The following ADAMTS18 variants were observed in gnomAD, a reference collection of about 807,000 sequenced individuals.
The protein encoded by ADAMTS18 is A disintegrin and metalloproteinase with thrombospondin motifs 18.
Under a neutral mutation model 165.9 loss-of-function variants are expected in ADAMTS18, and 157 were observed. That is an observed-to-expected ratio of 0.95 (90% CI 0.83 to 1.08). ADAMTS18 has a LOEUF of 1.08. Among genes scored for constraint, ADAMTS18 ranks in the 50% least tolerant of loss-of-function variants. The probability of loss-of-function intolerance (pLI) is 0.00; values close to 1 mark genes in which losing one functional copy is unlikely to be tolerated. For synonymous variants in ADAMTS18, 782 were observed against 578.2 expected (o/e 1.35, Z -5.06); for missense variants, 2,040 against 1,534.0 (o/e 1.33, Z -5.51).
chr16:77,381,744 G>A (rs983559835), intron 3 of ADAMTS18, among the ~76,000 whole-genome samples: 1 of 152,226 alleles, frequency 6.6e-6, no homozygotes, highest in African/African-American at 2.4e-5. Context: ...GGAGGTTGCA[G>A]TGAGCCGAGA....
chr16:77,289,191 C>G (rs199777997), intron 22 of ADAMTS18, 73 bp downstream of exon 22: 10 of 1,571,874 alleles, frequency 6.4e-6, no homozygotes, highest in Admixed American at 1.7e-5. Flanking sequence ...ACAGGCTGCA[C>G]TACTAACAAA....
At chr16:77,285,536 A>ATTCAGAAAT (rs1046166911) in intron 22 of ADAMTS18, among the ~76,000 whole-genome samples, 1 of 151,092 alleles carries the variant, frequency 6.6e-6, no homozygotes, top group Admixed American at 6.6e-5. Context: ...ACTACACATA[A>ATTCAGAAAT]TTCAGAAATG....
intron 2 of ADAMTS18, 55 bp downstream of exon 2, chr16:77,434,363 G>A: frequency 1.3e-6 from 2 of 1,530,208 alleles, no homozygotes; most frequent in Non-Finnish European, 1.8e-6. Flanking sequence ...TTGGGGGAAG[G>A]AAGGGTCAAA....
intron 17 of ADAMTS18, among the ~76,000 whole-genome samples, chr16:77,297,796 C>A (rs527512524): frequency 6.6e-6 from 1 of 151,854 alleles, no homozygotes; most frequent in Non-Finnish European, 1.5e-5. Context: ...ATATGGAAAC[C>A]CTAAGATTTT....
At chr16:77,307,589 C>G (rs566555550) in intron 16 of ADAMTS18, among the ~76,000 whole-genome samples, 1 of 152,248 alleles carries the variant, frequency 6.6e-6, no homozygotes, top group East Asian at 1.9e-4. Flanking sequence ...AACTGGAGGC[C>G]CCCACTTCAA....
At chr16:77,403,647 A>C (rs565178031) in intron 3 of ADAMTS18, among the ~76,000 whole-genome samples, 1 of 152,150 alleles carries the variant, frequency 6.6e-6, no homozygotes, top group African/African-American at 2.4e-5. Context: ...CATCTAAATG[A>C]CCTGTGTGTC....
At chr16:77,363,266 A>T (rs1161303417) in intron 6 of ADAMTS18, among the ~76,000 whole-genome samples, 1 of 152,186 alleles carries the variant, frequency 6.6e-6, no homozygotes, top group Non-Finnish European at 1.5e-5. Context: ...TGATCAATCC[A>T]AGGACAGTTA....
intron 3 of ADAMTS18, among the ~76,000 whole-genome samples, chr16:77,404,609 G>A (rs1238816623): frequency 6.6e-6 from 1 of 152,146 alleles, no homozygotes; most frequent in Non-Finnish European, 1.5e-5. Context: ...AGTTAACAGT[G>A]CTGGACTGTT....
intron 3 of ADAMTS18, among the ~76,000 whole-genome samples, chr16:77,419,683 C>A (rs1324577957): frequency 1.3e-5 from 2 of 152,136 alleles, no homozygotes; most frequent in Non-Finnish European, 2.9e-5. Flanking sequence ...TGTCGGTACA[C>A]TGGGAGCCAG....
At chr16:77,389,115 C>T (rs930871272) in intron 3 of ADAMTS18, among the ~76,000 whole-genome samples, 7 of 152,108 alleles carry the variant, frequency 4.6e-5, no homozygotes, top group African/African-American at 1.4e-4. Flanking sequence ...GCCTGGGCAA[C>T]ATGGCGAAAC....
At chr16:77,310,262 C>T (rs561026250) in intron 16 of ADAMTS18, among the ~76,000 whole-genome samples, 2 of 152,314 alleles carry the variant, frequency 1.3e-5, no homozygotes, top group East Asian at 3.9e-4. Flanking sequence ...AAACATCCCA[C>T]GATGTTCCAG....
intron 3 of ADAMTS18, among the ~76,000 whole-genome samples, chr16:77,404,997 G>A (rs539749568): frequency 1.4e-3 from 207 of 152,274 alleles, no homozygotes; most frequent in African/African-American, 4.6e-3. Context: ...CAGAGCGGGG[G>A]AATGTTTTTA....
intron 3 of ADAMTS18, among the ~76,000 whole-genome samples, chr16:77,415,964 G>A (rs2144838208): frequency 6.6e-6 from 1 of 152,276 alleles, no homozygotes; most frequent in Admixed American, 6.5e-5. Flanking sequence ...TGGAAATACA[G>A]CAGTGAATAG....
intron 3 of ADAMTS18, among the ~76,000 whole-genome samples, chr16:77,429,936 C>T (rs11860094): frequency 0.48 from 73,221 of 151,982 alleles, 18,623 homozygotes; most frequent in Non-Finnish European, 0.58. Context: ...CTACTTAACA[C>T]AGAGTTAAAC....
intron 12 of ADAMTS18, among the ~76,000 whole-genome samples, chr16:77,333,742 T>C (rs1391018792): frequency 1.3e-5 from 2 of 150,336 alleles, no homozygotes; most frequent in African/African-American, 4.9e-5. Context: ...CACATATCCA[T>C]AATTGAACAG....
intron 10 of ADAMTS18, among the ~76,000 whole-genome samples, chr16:77,348,160 T>C (rs1020409027): frequency 3.3e-5 from 5 of 152,168 alleles, no homozygotes; most frequent in Admixed American, 2.6e-4. Flanking sequence ...TTGCTCAGAT[T>C]ATTTAACTTC....
chr16:77,311,496 A>G (rs929249364), intron 16 of ADAMTS18, among the ~76,000 whole-genome samples: 3 of 152,182 alleles, frequency 2.0e-5, no homozygotes, highest in Non-Finnish European at 2.9e-5. Context: ...CACTTTTGGG[A>G]AAATATAATT....
At chr16:77,363,434 C>T (rs1360867376) in intron 6 of ADAMTS18, among the ~76,000 whole-genome samples, 1 of 152,044 alleles carries the variant, frequency 6.6e-6, no homozygotes. Flanking sequence ...CAAAATCTAG[C>T]TAATCCTTAA....
chr16:77,335,743 G>C lies in ADAMTS18; in HGVS notation c.1859+13C>G, dbSNP rs1378992345. 1 of 1,614,176 alleles carries C rather than the reference G, an allele frequency of 6.2e-7. No individual in the cohort carries two copies. Among genetic ancestry groups the C allele is most frequent in the Non-Finnish European group, 8.5e-7 (1 of 1,180,002 alleles). ...AAGGCCTTGCAAAGACTAACTTTCT[G>C]CTGGAGGCTTACTTGGGGTTATTGC... On this transcript the variant is annotated intron_variant, in intron 12 of 22. Coordinates refer to ENST00000282849, the MANE Select transcript of ADAMTS18 (RefSeq NM_199355.4).
Sources: gnomAD v4.1 joint callset for allele counts (sites outside exome capture counted in the v4.1 genomes callset) on GRCh38, gnomAD v4.1.1 for gene constraint, MANE v1.5 for transcripts, NCBI Gene and HGNC (gene_info 2026-07-23, HGNC 2026-07-21) for gene names.